Variants in CTNND2 observed in about 807,000 individuals in gnomAD.
CTNND2 encodes the protein catenin delta 2.
A neutral mutation model predicts 144.4 loss-of-function variants in CTNND2; 22 were observed. The observed-to-expected ratio is 0.15, with a 90% confidence interval of 0.11 to 0.22. CTNND2 has a LOEUF of 0.22. CTNND2 is among the 10% of genes least tolerant of loss of function. The probability of loss-of-function intolerance (pLI) is 1.00; values close to 1 mark genes in which losing one functional copy is unlikely to be tolerated. For synonymous variants in CTNND2, 751 were observed against 695.6 expected, an observed-to-expected ratio of 1.08 and a Z score of -1.25; for missense variants, 1,353 against 1,618.8, an observed-to-expected ratio of 0.84 and a Z score of 2.82.
chr5:11,545,234 A>G (rs909243889), intron 3 of CTNND2, among the ~76,000 whole-genome samples: 19 of 151,816 alleles, frequency 1.3e-4, no homozygotes, highest in African/African-American at 4.6e-4. Context: ...TGGAAGGAGA[A>G]TCGCTTGAAC....
chr5:11,149,359 C>A (rs569050932), intron 12 of CTNND2, among the ~76,000 whole-genome samples: 1 of 152,156 alleles, frequency 6.6e-6, no homozygotes, highest in Non-Finnish European at 1.5e-5. Flanking sequence ...CAACATGTAA[C>A]CCCGGGAAGA....
At chr5:11,653,963 T>C (rs62338656) in intron 2 of CTNND2, among the ~76,000 whole-genome samples, 22,459 of 152,030 alleles carry the variant, frequency 0.15, 1,708 homozygotes, top group East Asian at 0.17. Flanking sequence ...TGCATGTGGA[T>C]ATCCAATTTT....
rs182774634 is a variant in CTNND2, at chr5:11,305,882, G to A, written c.1628+40490C>T. Among the ~76,000 whole-genome samples the A allele has an allele frequency of 7.9e-5, 12 of 152,348 alleles. 1 individual carries two copies. Among genetic ancestry groups the A allele is most frequent in the Admixed American group, 1.3e-4 (2 of 15,300 alleles). ...TGTCCTAGGCAGAGGGATGGCCCCC[G>A]AGGAAGGCCTTGCAGTGGAAACAAG... On this transcript the variant is annotated intron_variant, in intron 9 of 21. Transcript: ENST00000304623.
intron 9 of CTNND2, among the ~76,000 whole-genome samples, chr5:11,261,331 G>T (rs1172130961): frequency 6.6e-6 from 1 of 152,096 alleles, no homozygotes; most frequent in African/African-American, 2.4e-5. Flanking sequence ...TTTATATTCT[G>T]GGAGTTCCTT....
intron 2 of CTNND2, among the ~76,000 whole-genome samples, chr5:11,637,589 A>G (rs1296974293): frequency 6.6e-6 from 1 of 152,190 alleles, no homozygotes; most frequent in Non-Finnish European, 1.5e-5. Flanking sequence ...AAATTAGACT[A>G]GCACACACAT....
chr5:11,731,772 C>A (rs549849577), intron 2 of CTNND2, among the ~76,000 whole-genome samples: 72 of 152,042 alleles, frequency 4.7e-4, no homozygotes, highest in Non-Finnish European at 9.0e-4. Context: ...TTTTTAACCT[C>A]CCGGATATAT....
intron 9 of CTNND2, among the ~76,000 whole-genome samples, chr5:11,262,757 G>A (rs1469896851): frequency 3.2e-5 from 1 of 31,036 alleles, no homozygotes; most frequent in African/African-American, 1.5e-4. Flanking sequence ...GTAAGACTCT[G>A]TCTCAAAAAA....
At chr5:11,463,717 C>T (rs903724994) in intron 3 of CTNND2, among the ~76,000 whole-genome samples, 1 of 151,734 alleles carries the variant, frequency 6.6e-6, no homozygotes, top group African/African-American at 2.4e-5. Flanking sequence ...TTCTTTATAT[C>T]ATGACGCAAA....
At chr5:11,294,969 A>G (rs1748752540) in intron 9 of CTNND2, among the ~76,000 whole-genome samples, 1 of 152,202 alleles carries the variant, frequency 6.6e-6, no homozygotes, top group Non-Finnish European at 1.5e-5. Context: ...ATAGTGTTGG[A>G]AGTTCTGGCC....
At chr5:11,019,409 A>T (rs1288758359) in intron 17 of CTNND2, among the ~76,000 whole-genome samples, 4 of 152,218 alleles carry the variant, frequency 2.6e-5, no homozygotes, top group Admixed American at 2.6e-4. Context: ...TCAGGTCGTG[A>T]TAGTGTAGTT....
intron 3 of CTNND2, among the ~76,000 whole-genome samples, chr5:11,496,618 A>G (rs1249737034): frequency 6.6e-6 from 1 of 152,190 alleles, no homozygotes; most frequent in Non-Finnish European, 1.5e-5. Context: ...AAGGTTCTAC[A>G]TAATCAGGGA....
At chr5:11,901,326 T>TA (rs1420356673) in intron 1 of CTNND2, among the ~76,000 whole-genome samples, 1 of 152,250 alleles carries the variant, frequency 6.6e-6, no homozygotes, top group Non-Finnish European at 1.5e-5. Context: ...AATGCCAAAG[T>TA]AATATTATAT....
At chr5:11,367,666 A>C (rs1415830912) in intron 7 of CTNND2, among the ~76,000 whole-genome samples, 1 of 152,224 alleles carries the variant, frequency 6.6e-6, no homozygotes, top group African/African-American at 2.4e-5. Flanking sequence ...AGAAAATTCA[A>C]CTTTGTCTAA....
intron 1 of CTNND2, among the ~76,000 whole-genome samples, chr5:11,747,217 C>G (rs1788362882): frequency 6.6e-6 from 1 of 152,148 alleles, no homozygotes; most frequent in Non-Finnish European, 1.5e-5. Flanking sequence ...TACAGGGACA[C>G]TTATCCTTAT....
intron 2 of CTNND2, among the ~76,000 whole-genome samples, chr5:11,654,648 G>A (rs899051944): frequency 1.7e-4 from 26 of 150,674 alleles, no homozygotes; most frequent in Non-Finnish European, 3.3e-4. Context: ...TTTTTTGGTG[G>A]CGTCTTTAGG....
At chr5:11,487,812 C>T (rs1261918285) in intron 3 of CTNND2, among the ~76,000 whole-genome samples, 2 of 152,170 alleles carry the variant, frequency 1.3e-5, no homozygotes, top group African/African-American at 4.8e-5. Context: ...ATGTTGGTAG[C>T]TTGAAATTGA....
At chr5:11,646,642 A>C (rs200964322) in intron 2 of CTNND2, among the ~76,000 whole-genome samples, 1 of 77,058 alleles carries the variant, frequency 1.3e-5, no homozygotes, top group African/African-American at 6.3e-5. Flanking sequence ...AATATCAAGT[A>C]AATTTCGTTT....
chr5:11,405,515 G>C (rs1267750827), intron 5 of CTNND2, among the ~76,000 whole-genome samples: 1 of 151,880 alleles, frequency 6.6e-6, no homozygotes, highest in Admixed American at 6.6e-5. Context: ...CCAGGAGATA[G>C]ACGTTGCAGT....
intron 9 of CTNND2, among the ~76,000 whole-genome samples, chr5:11,293,793 C>G (rs377412852): frequency 3.5e-4 from 50 of 142,934 alleles, no homozygotes; most frequent in East Asian, 6.3e-4. Flanking sequence ...AAGAAATGTG[C>G]CCACATTTCT....
Sources: allele counts gnomAD v4.1 joint callset (sites outside exome capture counted in the v4.1 genomes callset), GRCh38; gene constraint gnomAD v4.1.1; transcripts MANE v1.5; gene names NCBI Gene and HGNC (gene_info 2026-07-23, HGNC 2026-07-21).